The following SNAP25 variants were observed in gnomAD, a reference collection of about 807,000 sequenced individuals.
The protein encoded by SNAP25 is synaptosomal-associated protein 25.
SNAP25 carries 3 observed loss-of-function variants against 28.7 expected under a neutral mutation model. The observed-to-expected ratio is 0.10, with a 90% CI of 0.05 to 0.27. SNAP25 has a LOEUF of 0.27. SNAP25 is among the 10% of genes least tolerant of loss of function. The pLI is 1.00. For missense variants in SNAP25, 117 were observed against 278.7 expected (o/e 0.42, Z 4.13); for synonymous variants, 61 against 88.1 (o/e 0.69, Z 1.72).
chr20:10,301,727 G>A (rs919919907), intron 7 of SNAP25, among the ~76,000 whole-genome samples: 2 of 151,478 alleles, frequency 1.3e-5, no homozygotes, highest in Non-Finnish European at 2.9e-5. Flanking sequence ...TGAAGTTTTG[G>A]GAGTCCTTAA....
At chr20:10,239,267 C>T (rs915881793) in intron 1 of SNAP25, among the ~76,000 whole-genome samples, 1 of 152,188 alleles carries the variant, frequency 6.6e-6, no homozygotes. Flanking sequence ...GCCGTGCCAC[C>T]TCTGTGGCTG....
At chr20:10,275,069 T>TAAAATAAATAAATAAA (rs1555791825) in intron 1 of SNAP25, among the ~76,000 whole-genome samples, 1 of 131,930 alleles carries the variant, frequency 7.6e-6, no homozygotes, top group African/African-American at 2.8e-5. Flanking sequence ...ATAGAGCTAT[T>TAAAATAAATAAATAAA]TAAATAAATA....
chr20:10,298,034 C>T (rs2064152632), intron 6 of SNAP25, among the ~76,000 whole-genome samples: 1 of 151,698 alleles, frequency 6.6e-6, no homozygotes, highest in Admixed American at 6.6e-5. Flanking sequence ...CAGAACTCAG[C>T]TCTCCCTTTG....
intron 1 of SNAP25, among the ~76,000 whole-genome samples, chr20:10,252,318 TA>T (rs1236906832): frequency 1.3e-5 from 2 of 152,326 alleles, no homozygotes; most frequent in East Asian, 1.9e-4. Flanking sequence ...AAAGGGAGGT[TA>T]AAAAAATTTG....
intron 1 of SNAP25, among the ~76,000 whole-genome samples, chr20:10,235,050 T>C (rs934828813): frequency 1.3e-5 from 2 of 151,076 alleles, no homozygotes; most frequent in Admixed American, 6.6e-5. Context: ...CTGGGCAACA[T>C]AGTGAGACCC....
chr20:10,300,888 T>A (rs1055792418), intron 7 of SNAP25, among the ~76,000 whole-genome samples: 1 of 152,080 alleles, frequency 6.6e-6, no homozygotes, highest in African/African-American at 2.4e-5. Flanking sequence ...GTTTCAAAAC[T>A]CACTAGAGCC....
At chr20:10,273,710 G>A (rs1261202815) in intron 1 of SNAP25, among the ~76,000 whole-genome samples, 1 of 152,218 alleles carries the variant, frequency 6.6e-6, no homozygotes, top group Non-Finnish European at 1.5e-5. Flanking sequence ...AATTAGAAAT[G>A]TAATTCCTGG....
intron 4 of SNAP25, 76 bp downstream of exon 4, chr20:10,284,848 A>G: frequency 8.4e-7 from 1 of 1,195,318 alleles, no homozygotes; most frequent in Non-Finnish European, 1.2e-6. Context: ...GTGCATACGC[A>G]GATGGTCGCT....
chr20:10,296,707 A>G lies in SNAP25; in HGVS notation c.282-218A>G, dbSNP rs362996. The G allele has an allele frequency of 1.9e-3, 1,056 of 559,740 alleles. 7 individuals are homozygous for G. The highest frequency in any genetic ancestry group is 0.018 in the African/African-American group (948 of 51,330). The allele number at this position is 559,740 out of a possible 1,614,324, so 34.7% of individuals were successfully genotyped here. A position where few individuals can be genotyped will look rare whatever the true frequency, so the allele number is the denominator to read the frequency against. Reference sequence around the variant, plus strand: ...GAACAACCTTGTGGGCAAAGATTGCAGTCCATTGCAATGGATTCGATTGGA... The same window carrying G: ...GAACAACCTTGTGGGCAAAGATTGCGGTCCATTGCAATGGATTCGATTGGA... On this transcript the variant is annotated intron_variant, in intron 5 of 7. Transcript: ENST00000254976.
At chr20:10,282,809 CT>C (rs1329739195) in intron 3 of SNAP25, among the ~76,000 whole-genome samples, 2 of 152,176 alleles carry the variant, frequency 1.3e-5, no homozygotes, top group African/African-American at 4.8e-5. Flanking sequence ...ATAATTTCAT[CT>C]CACAAGAAAT....
At chr20:10,300,972 G>T (rs1336630916) in intron 7 of SNAP25, among the ~76,000 whole-genome samples, 1 of 151,760 alleles carries the variant, frequency 6.6e-6, no homozygotes, top group Non-Finnish European at 1.5e-5. Flanking sequence ...CCCTCCAACA[G>T]AAAAAACAAT....
chr20:10,247,769 G>A (rs942957807), intron 1 of SNAP25, among the ~76,000 whole-genome samples: 43 of 152,290 alleles, frequency 2.8e-4, no homozygotes, highest in African/African-American at 9.9e-4. Context: ...ATGATGGCAC[G>A]AAAGCAAACT....
At chr20:10,224,187 A>G (rs779457611) in intron 1 of SNAP25, among the ~76,000 whole-genome samples, 13 of 128,092 alleles carry the variant, frequency 1.0e-4, no homozygotes, top group Non-Finnish European at 1.4e-4. Context: ...TATGAAGTGT[A>G]TTTTATGCTA....
Position 10,259,959 on chromosome 20 carries a change from G to A in SNAP25, c.-63-15470G>A, listed in dbSNP as rs1396399887. The stretch of plus-strand genomic sequence containing the variant: ...GAATTTGCACATCACCTGATCCAAC[G>A]TCCCATCTTATAAATGAATCATGTC... On this transcript the variant is annotated intron_variant, in intron 1 of 7. Transcript: ENST00000254976. Among the ~76,000 whole-genome samples the A allele has an allele frequency of 5.3e-5, 8 of 152,142 alleles. No individual in the cohort carries two copies. The East Asian group carries it at 5.8e-4, about 11-fold the overall frequency.
At chr20:10,258,898 C>T (rs2063364831) in intron 1 of SNAP25, among the ~76,000 whole-genome samples, 1 of 152,090 alleles carries the variant, frequency 6.6e-6, no homozygotes, top group Non-Finnish European at 1.5e-5. Flanking sequence ...TCAAATACTC[C>T]CATAATGATC....
chr20:10,240,789 A>G (rs559618077), intron 1 of SNAP25, among the ~76,000 whole-genome samples: 4 of 152,304 alleles, frequency 2.6e-5, no homozygotes, highest in African/African-American at 7.2e-5. Flanking sequence ...GATTGCCTCA[A>G]TCTACAATCA....
intron 2 of SNAP25, 100 bp from the exon 3 acceptor site, chr20:10,277,585 A>T (rs766504318): frequency 2.1e-6 from 2 of 969,600 alleles, no homozygotes; most frequent in African/African-American, 3.3e-5. Flanking sequence ...TGTGACAGAG[A>T]CCCTTTGTGT....
chr20:10,262,353 G>A (rs2063428246), intron 1 of SNAP25, among the ~76,000 whole-genome samples: 1 of 152,176 alleles, frequency 6.6e-6, no homozygotes, highest in African/African-American at 2.4e-5. Context: ...GCGTGACTCT[G>A]TAGTTTCAAG....
intron 1 of SNAP25, among the ~76,000 whole-genome samples, chr20:10,246,481 G>C (rs2122773602): frequency 6.6e-6 from 1 of 152,272 alleles, no homozygotes; most frequent in East Asian, 1.9e-4. Flanking sequence ...GGAGAAGAAA[G>C]AAAAGAGGCA....
Sources: gnomAD v4.1 joint callset for allele counts (sites outside exome capture counted in the v4.1 genomes callset) on GRCh38, gnomAD v4.1.1 for gene constraint, MANE v1.5 for transcripts, NCBI Gene and HGNC (gene_info 2026-07-23, HGNC 2026-07-21) for gene names.